Variants in FAM135B observed in about 807,000 individuals in gnomAD.
The protein encoded by FAM135B is family with sequence similarity 135 member B.
In FAM135B, 43 loss-of-function variants were observed where a neutral mutation model predicts 127.7. The ratio of observed to expected loss-of-function variants is 0.34; its 90% CI spans 0.26 to 0.43. The LOEUF (loss-of-function observed/expected upper bound fraction) is 0.43, where lower values mean the gene tolerates loss of function less well. FAM135B is among the 20% of genes least tolerant of loss of function. The pLI is 1.00. For synonymous variants in FAM135B, 670 were observed against 665.1 expected (o/e 1.01, Z -0.11); for missense variants, 1,558 against 1,725.6 (o/e 0.90, Z 1.72).
intron 11 of FAM135B, among the ~76,000 whole-genome samples, chr8:138,170,653 T>C (rs72721678): frequency 0.036 from 5,469 of 152,326 alleles, 127 homozygotes; most frequent in African/African-American, 0.066. Context: ...ATATAGCTGG[T>C]AAAGCACTAT....
chr8:138,283,694 G>A (rs541949141), intron 3 of FAM135B, among the ~76,000 whole-genome samples: 12 of 152,060 alleles, frequency 7.9e-5, no homozygotes, highest in East Asian at 1.9e-4. Context: ...AGTCGAATAC[G>A]AAAGGCAGTT....
intron 6 of FAM135B, among the ~76,000 whole-genome samples, chr8:138,244,321 G>A (rs888449993): frequency 2.6e-5 from 4 of 152,142 alleles, no homozygotes; most frequent in African/African-American, 9.7e-5. Context: ...TGTGTCCAGA[G>A]ATGATCCTCA....
chr8:138,420,838 T>C (rs184928703), intron 1 of FAM135B, among the ~76,000 whole-genome samples: 154 of 152,292 alleles, frequency 1.0e-3, no homozygotes, highest in African/African-American at 3.5e-3. Context: ...TAAAGGAGCA[T>C]ACCTCAAAAT....
intron 3 of FAM135B, among the ~76,000 whole-genome samples, chr8:138,291,790 T>C (rs1825132251): frequency 6.6e-6 from 1 of 152,042 alleles, no homozygotes; most frequent in Non-Finnish European, 1.5e-5. Context: ...AGAATAAAGA[T>C]CATATATTTC....
intron 2 of FAM135B, among the ~76,000 whole-genome samples, chr8:138,330,545 GC>G (rs1401761855): frequency 1.3e-5 from 2 of 152,144 alleles, no homozygotes; most frequent in Non-Finnish European, 1.5e-5. Flanking sequence ...GCCCTGTGCT[GC>G]CGCCGAGTCC....
At chr8:138,310,739 G>A in intron 3 of FAM135B, 102 bp downstream of exon 3, 2 of 1,013,814 alleles carry the variant, frequency 2.0e-6, no homozygotes, top group Non-Finnish European at 2.9e-6. Flanking sequence ...CAGATTGACT[G>A]AGTATGTCTA....
intron 7 of FAM135B, among the ~76,000 whole-genome samples, chr8:138,202,125 CAA>C (rs60386806): frequency 1.7e-4 from 14 of 84,116 alleles, no homozygotes; most frequent in Admixed American, 3.1e-4. Context: ...AACTCTGTCT[CAA>C]AAAAAAAAAA....
At chr8:138,463,043 A>G (rs1312856898) in intron 1 of FAM135B, among the ~76,000 whole-genome samples, 1 of 152,216 alleles carries the variant, frequency 6.6e-6, no homozygotes, top group Admixed American at 6.5e-5. Flanking sequence ...ACAACACTCA[A>G]AACGTTTATG....
chr8:138,362,428 C>T (rs1356384973), intron 2 of FAM135B, among the ~76,000 whole-genome samples: 1 of 151,936 alleles, frequency 6.6e-6, no homozygotes, highest in Non-Finnish European at 1.5e-5. Context: ...GGTTGAGTGA[C>T]CCTTTAATTT....
chr8:138,395,547 G>T (rs1832801766), intron 1 of FAM135B, among the ~76,000 whole-genome samples: 1 of 152,120 alleles, frequency 6.6e-6, no homozygotes, highest in South Asian at 2.1e-4. Flanking sequence ...TTACAGATTT[G>T]CAACTGTGCA....
chr8:138,153,369 G>A (rs1818368418), intron 12 of FAM135B, among the ~76,000 whole-genome samples, 153 bp from the exon 13 acceptor site: 1 of 152,190 alleles, frequency 6.6e-6, no homozygotes, highest in African/African-American at 2.4e-5. Flanking sequence ...AGCTCCCAGT[G>A]TGAGCGATGC....
chr8:138,460,809 G>A (rs867480200), intron 1 of FAM135B, among the ~76,000 whole-genome samples: 4 of 152,266 alleles, frequency 2.6e-5, no homozygotes, highest in Middle Eastern at 6.8e-3. Context: ...GTTGGGAGCT[G>A]TGGTCATTCT....
At chr8:138,445,927 CCTT>C (rs1836127471) in intron 1 of FAM135B, among the ~76,000 whole-genome samples, 1 of 152,170 alleles carries the variant, frequency 6.6e-6, no homozygotes, top group Non-Finnish European at 1.5e-5. Context: ...CCCAAAATCT[CCTT>C]AAGCTGATAA....
In FAM135B at chr8:138,476,479, A is replaced by AT. The variant is rs201036983; in HGVS notation, c.-20+20191dup. On this transcript the variant is annotated intron_variant, in intron 1 of 19. Coordinates refer to ENST00000395297, the MANE Select transcript of FAM135B (RefSeq NM_015912.4). Reference sequence around the variant, plus strand: ...GATGGGGGATGTGGGGTATCTCTCTATTTTTTTTTTTTCAATTTTACTGTG... The same window carrying AT: ...GATGGGGGATGTGGGGTATCTCTCTATTTTTTTTTTTTTCAATTTTACTGTG... Among the ~76,000 whole-genome samples, 1,039 of 141,246 alleles carry AT rather than the reference A, an allele frequency of 7.4e-3. 7 individuals are homozygous for AT. Among genetic ancestry groups the AT allele is most frequent in the African/African-American group, 0.02 (770 of 39,364 alleles). The allele number at this position is 141,246 out of a possible 152,430, so 92.7% of individuals were successfully genotyped here. A position where few individuals can be genotyped will look rare whatever the true frequency, so the allele number is the denominator to read the frequency against.
At chr8:138,390,190 C>T (rs552235859) in intron 1 of FAM135B, among the ~76,000 whole-genome samples, 8 of 152,222 alleles carry the variant, frequency 5.3e-5, no homozygotes, top group African/African-American at 9.6e-5. Flanking sequence ...TGTCTGATAT[C>T]GCCCGGCCTT....
At chr8:138,206,827 A>G (rs1817714624) in intron 7 of FAM135B, among the ~76,000 whole-genome samples, 2 of 150,712 alleles carry the variant, frequency 1.3e-5, no homozygotes, top group Non-Finnish European at 1.5e-5. Flanking sequence ...ACACAACTCC[A>G]GCATCCTCTC....
chr8:138,203,841 G>A (rs893047452), intron 7 of FAM135B, among the ~76,000 whole-genome samples: 2 of 152,126 alleles, frequency 1.3e-5, no homozygotes, highest in African/African-American at 2.4e-5. Flanking sequence ...TTGTTTTTCT[G>A]GAACTAGATG....
rs991845816 is a variant in FAM135B at position 138,243,867 on chromosome 8, T to C, written c.543-799A>G. ...CTCTTCTGTTTCATTTCTTTTCTAA[T>C]GGATGTTTTGTCATATTGTGGATAC... is the stretch of plus-strand genomic sequence containing the variant. On this transcript the variant is annotated intron_variant, in intron 6 of 19. Coordinates refer to ENST00000395297, the MANE Select transcript of FAM135B (RefSeq NM_015912.4). The surrounding 1 kb of genome is among the most constrained non-coding windows in gnomAD (Gnocchi z 7.5). Among the ~76,000 whole-genome samples the C allele has an allele frequency of 1.3e-5, 2 of 152,212 alleles. No individual in the cohort carries two copies. Among genetic ancestry groups the C allele is most frequent in the African/African-American group, 4.8e-5 (2 of 41,464 alleles).
At chr8:138,381,496 C>G (rs1831855801) in intron 1 of FAM135B, among the ~76,000 whole-genome samples, 1 of 152,108 alleles carries the variant, frequency 6.6e-6, no homozygotes, top group Non-Finnish European at 1.5e-5. Context: ...CTGAAAGCAT[C>G]TTTATTTTCA....
Sources: gnomAD v4.1 joint callset for allele counts (sites outside exome capture counted in the v4.1 genomes callset) on GRCh38, gnomAD v4.1.1 for gene constraint, Gnocchi (gnomAD v3.1) non-coding constraint, MANE v1.5 for transcripts, NCBI Gene and HGNC (gene_info 2026-07-23, HGNC 2026-07-21) for gene names.